The following EIF4H variants were observed in gnomAD, a reference collection of about 807,000 sequenced individuals.
EIF4H encodes eukaryotic translation initiation factor 4H.
In EIF4H, 8 loss-of-function variants were observed where a neutral mutation model predicts 30.6. That is an observed-to-expected ratio of 0.26 (90% CI 0.15 to 0.47). The LOEUF (loss-of-function observed/expected upper bound fraction) is 0.47. EIF4H is among the 20% of genes least tolerant of loss of function. The probability of loss-of-function intolerance (pLI) is 0.99; values close to 1 mark genes in which losing one functional copy is unlikely to be tolerated. For missense variants in EIF4H, 188 were observed against 339.5 expected (o/e 0.55, Z 3.51); for synonymous variants, 106 against 122.7 (o/e 0.86, Z 0.90).
Position 74,194,848 on chromosome 7 carries a change from TC to T in EIF4H, c.579del (p.Asn194ThrfsTer32). The T allele has an allele frequency of 6.3e-7, 1 of 1,599,846 alleles. No homozygotes were observed. Among genetic ancestry groups the T allele is most frequent in the Non-Finnish European group, 8.6e-7 (1 of 1,168,306 alleles). On this transcript the variant is annotated frameshift_variant, in exon 6 of 7. Transcript: ENST00000265753. LOFTEE classifies it high-confidence loss of function. ...RFRDGPPLRG[S>X]NMDFREPTEE... ...CAGAGATGGCCCTCCCCTCCGTGGA[TC>T]CAACATGGATTTCAGAGAACCCACA...
intron 1 of EIF4H, among the ~76,000 whole-genome samples, chr7:74,179,963 C>T (rs1354514307): frequency 6.6e-6 from 1 of 152,184 alleles, no homozygotes; most frequent in East Asian, 1.9e-4. Context: ...TGTCTGTAAT[C>T]CCAACACTTT....
chr7:74,174,539 G>T, intron 1 of EIF4H, 97 bp downstream of exon 1: 1 of 1,126,812 alleles, frequency 8.9e-7, no homozygotes, highest in Non-Finnish European at 1.1e-6. Flanking sequence ...CGGGGCGGCG[G>T]GAGGCGGGGG....
At chr7:74,178,663 C>T (rs1431393843) in intron 1 of EIF4H, among the ~76,000 whole-genome samples, 1 of 152,186 alleles carries the variant, frequency 6.6e-6, no homozygotes, top group Admixed American at 6.5e-5. Flanking sequence ...CAGGATCACA[C>T]TCTGGCTTCC....
At chr7:74,182,139 A>G (rs950785523) in intron 1 of EIF4H, among the ~76,000 whole-genome samples, 1 of 152,166 alleles carries the variant, frequency 6.6e-6, no homozygotes, top group Non-Finnish European at 1.5e-5. Flanking sequence ...ATGACTTTGT[A>G]TAGTTGGATT....
intron 5 of EIF4H, among the ~76,000 whole-genome samples, chr7:74,193,675 C>G (rs1021392975): frequency 6.6e-6 from 1 of 151,614 alleles, no homozygotes; most frequent in African/African-American, 2.4e-5. Flanking sequence ...TGTAATGGCA[C>G]GATCTTGGCT....
Position 74,175,489 on chromosome 7 carries a change from C to T in EIF4H, c.59+1047C>T, listed in dbSNP as rs573424990. ...GGTAAAGAATGATCACTTTTAATAC[C>T]TTGGTTTGGGAACGGCTCAGACAAA... On this transcript the variant is annotated intron_variant, in intron 1 of 6. Coordinates refer to ENST00000265753, the MANE Select transcript of EIF4H (RefSeq NM_022170.2). 7.9e-5 allele frequency among the ~76,000 whole-genome samples: 12 copies of T among 152,204 alleles called. No homozygotes were observed. In the South Asian group the frequency reaches 1.9e-3, roughly 24 times the overall value.
chr7:74,190,350 C>G (rs782109541), intron 5 of EIF4H, 44 bp downstream of exon 5: 1 of 1,585,720 alleles, frequency 6.3e-7, no homozygotes, highest in Admixed American at 1.7e-5. Context: ...TCCTAGGAGC[C>G]TTGCTGCTGT....
At chr7:74,174,549 G>T in intron 1 of EIF4H, 107 bp downstream of exon 1, 1 of 1,050,908 alleles carries the variant, frequency 9.5e-7, no homozygotes, top group Non-Finnish European at 1.2e-6. Flanking sequence ...GGAGGCGGGG[G>T]CCCGCGGAGG....
chr7:74,177,172 C>T (rs545317872), intron 1 of EIF4H, among the ~76,000 whole-genome samples: 3 of 152,282 alleles, frequency 2.0e-5, no homozygotes, highest in African/African-American at 7.2e-5. Flanking sequence ...TGGTCTTGAA[C>T]TCTTGGACTC....
At chr7:74,183,775 G>C (rs782493141) in intron 1 of EIF4H, 8 of 152,146 alleles carry the variant, frequency 5.3e-5, no homozygotes, top group Non-Finnish European at 1.0e-4. Flanking sequence ...CCTATGTGAT[G>C]TGTACTCTGG....
intron 1 of EIF4H, chr7:74,183,749 T>G (rs1554708810): frequency 6.6e-6 from 1 of 152,174 alleles, no homozygotes; most frequent in Non-Finnish European, 1.5e-5. Flanking sequence ...TCCTATGTGA[T>G]GTGATGTGAT....
intron 5 of EIF4H, among the ~76,000 whole-genome samples, chr7:74,192,581 C>T (rs1801243859): frequency 6.6e-6 from 1 of 151,714 alleles, no homozygotes; most frequent in African/African-American, 2.4e-5. Flanking sequence ...TGCTAGAACA[C>T]TGAATGAGCC....
intron 4 of EIF4H, 156 bp from the exon 5 acceptor site, chr7:74,190,091 T>G: frequency 9.0e-7 from 1 of 1,108,722 alleles, no homozygotes; most frequent in Non-Finnish European, 1.3e-6. Context: ...TCTGCAAGCC[T>G]GGCGTTTTTT....
chr7:74,192,697 A>C (rs1801250484), intron 5 of EIF4H, among the ~76,000 whole-genome samples: 3 of 80,166 alleles, frequency 3.7e-5, no homozygotes, highest in Admixed American at 1.8e-4. Flanking sequence ...TTTTTTTTTG[A>C]GACAGAGGCT....
In EIF4H at chr7:74,194,747, G is replaced by C. The variant is rs1554710440; in HGVS notation, c.476G>C (p.Arg159Thr). 6.3e-7 allele frequency: 1 copy of C among 1,585,796 alleles called. No individual in the cohort carries two copies. The highest frequency in any genetic ancestry group is 2.3e-5 in the East Asian group (1 of 43,884). ...TGTCCTGTTTCTTCCTCAGGCTTCA[G>C]GGATGACTTCTTAGGGGGCAGGGGA... Reference protein sequence around the residue: ...DSRDDFNSGFRDDFLGGRGGS... With the variant: ...DSRDDFNSGFTDDFLGGRGGS... The change falls in exon 6 of 7, where the codon AGG becomes ACG. Residue 159 changes from arginine to threonine, a missense_variant. By Grantham distance (71) the Arg-to-Thr change is moderately conservative. Around this residue, in one of 4 missense-constraint regions of EIF4H, gnomAD observed 76 missense variants for 85.8 expected, o/e 0.89. Coordinates refer to ENST00000265753, the MANE Select transcript of EIF4H (RefSeq NM_022170.2).
intron 5 of EIF4H, among the ~76,000 whole-genome samples, chr7:74,193,870 G>T (rs570392030): frequency 1.4e-4 from 21 of 152,218 alleles, no homozygotes; most frequent in African/African-American, 3.4e-4. Context: ...GCCTCCCAAA[G>T]TGCTGGGATT....
intron 1 of EIF4H, among the ~76,000 whole-genome samples, chr7:74,177,423 A>C (rs958285965): frequency 1.4e-4 from 21 of 152,202 alleles, no homozygotes; most frequent in African/African-American, 4.8e-4. Context: ...CGTAATGTAT[A>C]ACCATCACCA....
intron 1 of EIF4H, 50 bp downstream of exon 1, chr7:74,174,492 T>A (rs781957154): frequency 7.6e-7 from 1 of 1,309,720 alleles, no homozygotes; most frequent in South Asian, 2.2e-5. Context: ...ACCGGCGGAG[T>A]CGGGGCCGTC....
rs1374759363 is a variant in EIF4H at position 74,194,965 on chromosome 7, C to T, written c.607+87C>T. 1.8e-5 allele frequency: 27 copies of T among 1,519,540 alleles called. No homozygotes were observed. In the Middle Eastern group the frequency reaches 7.1e-4, roughly 40 times the overall value. 94.1% of individuals were successfully genotyped at this position (1,519,540 alleles called of 1,614,324 possible). A position where few individuals can be genotyped will look rare whatever the true frequency, so the allele number is the denominator to read the frequency against. On this transcript the variant is annotated intron_variant, in intron 6 of 6. Transcript: ENST00000265753. Reference sequence around the variant, plus strand: ...CACCCCGTGGGGACTTGGCGTTCTACGGCACACAGAGTTGTCGGCATAGAT... The same window carrying T: ...CACCCCGTGGGGACTTGGCGTTCTATGGCACACAGAGTTGTCGGCATAGAT...
Sources: allele counts gnomAD v4.1 joint callset (sites outside exome capture counted in the v4.1 genomes callset), GRCh38; gene constraint gnomAD v4.1.1; regional missense constraint gnomAD v4.1.1; transcripts MANE v1.5; gene names NCBI Gene and HGNC (gene_info 2026-07-23, HGNC 2026-07-21).